The following UQCRB variants were observed in gnomAD, a reference collection of about 807,000 sequenced individuals.
UQCRB encodes cytochrome b-c1 complex subunit 7.
A neutral mutation model predicts 19.8 loss-of-function variants in UQCRB; 12 were observed. That is an observed-to-expected ratio of 0.61 (90% CI 0.39 to 0.98). The LOEUF (loss-of-function observed/expected upper bound fraction) is 0.98. Ranked by LOEUF, UQCRB falls within the 50% of genes least tolerant of loss-of-function variation. UQCRB has a pLI of 0.00. For missense variants in UQCRB, 142 were observed against 131.8 expected (o/e 1.08, Z -0.38); for synonymous variants, 39 against 42.9 (o/e 0.91, Z 0.35).
At chr8:96,233,105 A>C (rs777573111) in intron 2 of UQCRB, 51 bp downstream of exon 2, 49 of 1,568,030 alleles carry the variant, frequency 3.1e-5, no homozygotes, top group South Asian at 8.0e-5. Context: ...AAAAAAAAAA[A>C]CAAAGAAACA....
chr8:96,229,023 C>T lies in UQCRB; in HGVS notation c.*2032G>A, dbSNP rs1809594516. 4.4e-6 allele frequency: 2 copies of T among 454,044 alleles called. No individual in the cohort carries two copies. Among genetic ancestry groups the T allele is most frequent in the Non-Finnish European group, 8.8e-6 (2 of 226,776 alleles). 28.1% of individuals were successfully genotyped at this position (454,044 alleles called of 1,614,324 possible). A position where few individuals can be genotyped will look rare whatever the true frequency, so the allele number is the denominator to read the frequency against. On this transcript the variant is annotated 3_prime_UTR_variant, in exon 4 of 4. Transcript: ENST00000287022. ...TTCTCACCCATTCACCTGTGTGAGC[C>T]AAATACTAGATCTACTTTCTTAGTC...
chr8:96,225,023 AAAAGGGGT>A lies in UQCRB; in HGVS notation c.*6024_*6031del, dbSNP rs1348599035. On this transcript the variant is annotated 3_prime_UTR_variant, in exon 4 of 4. Transcript: ENST00000287022. Reference sequence around the variant, plus strand: ...AAATATCATTTCAGCAAATGTAAGTAAAAGGGGTACTATCTAAACATATAAAGGTCTCA... The same window carrying A: ...AAATATCATTTCAGCAAATGTAAGTAACTATCTAAACATATAAAGGTCTCA... Among the ~76,000 whole-genome samples, 29 of 152,344 alleles carry A rather than the reference AAAAGGGGT, an allele frequency of 1.9e-4. No individual in the cohort carries two copies. The highest frequency in any genetic ancestry group is 7.0e-4 in the African/African-American group (29 of 41,584).
chr8:96,235,182 A>T, intron 1 of UQCRB: 2 of 501,844 alleles, frequency 4.0e-6, no homozygotes, highest in South Asian at 2.1e-5. Context: ...GTTGAAAGTC[A>T]TCCACTAGTT....
Position 96,230,506 on chromosome 8 carries a change from T to A in UQCRB, c.*549A>T, listed in dbSNP as rs1440521552. 6 of 454,104 alleles carry A rather than the reference T, an allele frequency of 1.3e-5. No homozygotes were observed. The highest frequency in any genetic ancestry group is 9.3e-5 in the South Asian group (6 of 64,442). 28.1% of individuals were successfully genotyped at this position (454,104 alleles called of 1,614,324 possible). ...AAGTCACTGGGATATGGGGACAGTATGATTTGTCTTTATACTTTTATTTTT... is the reference window on the plus strand; with the variant it reads ...AAGTCACTGGGATATGGGGACAGTAAGATTTGTCTTTATACTTTTATTTTT... On this transcript the variant is annotated 3_prime_UTR_variant, in exon 4 of 4. Transcript: ENST00000287022.
rs1260997251 is a variant in UQCRB, at chr8:96,228,050, C to T, written c.*3005G>A. On this transcript the variant is annotated 3_prime_UTR_variant, in exon 4 of 4. Coordinates refer to ENST00000287022, the MANE Select transcript of UQCRB (RefSeq NM_006294.5). ...TTGGGGGTCTGAAGGCCCGACATCC[C>T]TTACGCTGCTTCCTACATCTTGACA... 2 of 454,102 alleles carry T rather than the reference C, an allele frequency of 4.4e-6. No individual in the cohort carries two copies. Among genetic ancestry groups the T allele is most frequent in the South Asian group, 3.1e-5 (2 of 64,482 alleles). 28.1% of individuals were successfully genotyped at this position (454,102 alleles called of 1,614,324 possible). A position where few individuals can be genotyped will look rare whatever the true frequency, so the allele number is the denominator to read the frequency against.
chr8:96,225,095 G>T lies in UQCRB; in HGVS notation c.*5960C>A, dbSNP rs769843693. On this transcript the variant is annotated 3_prime_UTR_variant, in exon 4 of 4. Coordinates refer to ENST00000287022, the MANE Select transcript of UQCRB (RefSeq NM_006294.5). ...GAACTGACCCAGGTTTGGGAAGGGG[G>T]AAGAGGGAGCTAAGAGGAAAACTAA... Among the ~76,000 whole-genome samples the T allele has an allele frequency of 6.6e-6, 1 of 152,194 alleles. No homozygotes were observed. Among genetic ancestry groups the T allele is most frequent in the Non-Finnish European group, 1.5e-5 (1 of 68,038 alleles).
Position 96,227,336 on chromosome 8 carries a change from T to G in UQCRB, c.*3719A>C. On this transcript the variant is annotated 3_prime_UTR_variant, in exon 4 of 4. Coordinates refer to ENST00000287022, the MANE Select transcript of UQCRB (RefSeq NM_006294.5). ...TGAAAAATGAAGGAGGGGAGGGAGT[T>G]GGTGGGGCGCAGAATGGAGAAATCT... The G allele has an allele frequency of 2.2e-6, 1 of 454,090 alleles. No homozygotes were observed. The highest frequency in any genetic ancestry group is 4.4e-6 in the Non-Finnish European group (1 of 226,772). 28.1% of individuals were successfully genotyped at this position (454,090 alleles called of 1,614,324 possible). A position where few individuals can be genotyped will look rare whatever the true frequency, so the allele number is the denominator to read the frequency against.
rs1475651550 is a variant in UQCRB at position 96,224,728 on chromosome 8, C to T, written c.*6327G>A. The stretch of plus-strand genomic sequence containing the variant: ...ATCTCTCAAAAATATACTCTGCTCA[C>T]ACCATATCCCTAAACTCCAGAGGGA... On this transcript the variant is annotated 3_prime_UTR_variant, in exon 4 of 4. Coordinates refer to ENST00000287022, the MANE Select transcript of UQCRB (RefSeq NM_006294.5). Among the ~76,000 whole-genome samples the T allele has an allele frequency of 6.6e-6, 1 of 152,220 alleles. No homozygotes were observed. The highest frequency in any genetic ancestry group is 1.5e-5 in the Non-Finnish European group (1 of 68,038).
rs1212344811 is a variant in UQCRB, at chr8:96,226,177, A to T, written c.*4878T>A. ...ACATACATCAATTTAAAAAATCCAG[A>T]AAATTATGTAATGAACAAGCATAAA... On this transcript the variant is annotated 3_prime_UTR_variant, in exon 4 of 4. Transcript: ENST00000287022. 6.6e-6 allele frequency: 1 copy of T among 152,234 alleles called. No individual in the cohort carries two copies. 9.4% of individuals were successfully genotyped at this position (152,234 alleles called of 1,614,324 possible). A position where few individuals can be genotyped will look rare whatever the true frequency, so the allele number is the denominator to read the frequency against.
At position 96,235,544 on chromosome 8, in the gene UQCRB, A is replaced by G. The variant is rs573241081; in HGVS notation, c.-14T>C. The G allele has an allele frequency of 4.3e-6, 7 of 1,614,240 alleles. No individual in the cohort carries two copies. The highest frequency in any genetic ancestry group is 2.7e-5 in the African/African-American group (2 of 75,078). On this transcript the variant is annotated 5_prime_UTR_variant, in exon 1 of 4. Coordinates refer to ENST00000287022, the MANE Select transcript of UQCRB (RefSeq NM_006294.5). ...CTTACCAGCCATTTTGACCAGAAAG[A>G]GAAGCGTTGCCTTCTGGGTAAGTCA...
At position 96,223,920 on chromosome 8, in the gene UQCRB, G is replaced by A. The variant is rs906241913; in HGVS notation, c.*7135C>T. 3.9e-5 allele frequency among the ~76,000 whole-genome samples: 6 copies of A among 152,184 alleles called. No individual in the cohort carries two copies. The highest frequency in any genetic ancestry group is 5.9e-5 in the Non-Finnish European group (4 of 68,034). On this transcript the variant is annotated 3_prime_UTR_variant, in exon 4 of 4. Coordinates refer to ENST00000287022, the MANE Select transcript of UQCRB (RefSeq NM_006294.5). ...GGGTAGAGGCAGACAGGTGGGGGTG[G>A]TAGAAGCCAGGCTTTGGAAGGCCAC...
intron 3 of UQCRB, 37 bp from the exon 4 acceptor site, chr8:96,231,169 G>A (rs761912021): frequency 2.7e-5 from 43 of 1,613,896 alleles, no homozygotes; most frequent in East Asian, 1.1e-4. Flanking sequence ...TTACCATCAC[G>A]TACTGATATA....
Position 96,224,578 on chromosome 8 carries a change from G to A in UQCRB, c.*6477C>T, listed in dbSNP as rs1279369724. Among the ~76,000 whole-genome samples the A allele has an allele frequency of 1.3e-5, 2 of 152,204 alleles. No homozygotes were observed. The highest frequency in any genetic ancestry group is 4.8e-5 in the African/African-American group (2 of 41,452). ...AAGCCACAGAAGGGGCTGATTACCA[G>A]GCTGCATCACCCTCAACAGACCCGT... On this transcript the variant is annotated 3_prime_UTR_variant, in exon 4 of 4. Transcript: ENST00000287022.
chr8:96,228,120 C>T lies in UQCRB; in HGVS notation c.*2935G>A, dbSNP rs1374713260. 2.2e-6 allele frequency: 1 copy of T among 454,090 alleles called. No homozygotes were observed. Among genetic ancestry groups the T allele is most frequent in the African/African-American group, 2.0e-5 (1 of 50,124 alleles). 28.1% of individuals were successfully genotyped at this position (454,090 alleles called of 1,614,324 possible). A position where few individuals can be genotyped will look rare whatever the true frequency, so the allele number is the denominator to read the frequency against. ...CTAGGTAGTGCACTACAACAGTGAA[C>T]ATAAGCCAGCCATCTGTTTTTTTGC... On this transcript the variant is annotated 3_prime_UTR_variant, in exon 4 of 4. Coordinates refer to ENST00000287022, the MANE Select transcript of UQCRB (RefSeq NM_006294.5).
chr8:96,224,752 G>A lies in UQCRB; in HGVS notation c.*6303C>T, dbSNP rs1809499312. On this transcript the variant is annotated 3_prime_UTR_variant, in exon 4 of 4. Transcript: ENST00000287022. Reference sequence around the variant, plus strand: ...ACACCATATCCCTAAACTCCAGAGGGATTGAAGATTTATGGTTTTGTTTCT... The same window carrying A: ...ACACCATATCCCTAAACTCCAGAGGAATTGAAGATTTATGGTTTTGTTTCT... 6.6e-6 allele frequency among the ~76,000 whole-genome samples: 1 copy of A among 152,176 alleles called. No individual in the cohort carries two copies. The highest frequency in any genetic ancestry group is 1.5e-5 in the Non-Finnish European group (1 of 68,042).
At chr8:96,235,476 C>T in intron 1 of UQCRB, 36 bp downstream of exon 1, 4 of 1,614,188 alleles carry the variant, frequency 2.5e-6, no homozygotes, top group Non-Finnish European at 1.7e-6. Context: ...CGGTGAAGCG[C>T]GACGATGCCG....
Position 96,227,519 on chromosome 8 carries a change from C to T in UQCRB, c.*3536G>A. On this transcript the variant is annotated 3_prime_UTR_variant, in exon 4 of 4. Transcript: ENST00000287022. ...TCTAACCATCCCTCTCTGATACTGT[C>T]CCTCCTAAAATCCATGCTTCCTCCC... 2.2e-6 allele frequency: 1 copy of T among 454,142 alleles called. No individual in the cohort carries two copies. Among genetic ancestry groups the T allele is most frequent in the Non-Finnish European group, 4.4e-6 (1 of 226,790 alleles). The allele number at this position is 454,142 out of a possible 1,614,324, so 28.1% of individuals were successfully genotyped here. A position where few individuals can be genotyped will look rare whatever the true frequency, so the allele number is the denominator to read the frequency against.
At position 96,232,418 on chromosome 8, in the gene UQCRB, A is replaced by G. The variant is rs539157702; in HGVS notation, c.92-478T>C. The G allele has an allele frequency of 1.9e-5, 3 of 156,974 alleles. No homozygotes were observed. In the South Asian group the frequency reaches 5.5e-4, roughly 29 times the overall value. 9.7% of individuals were successfully genotyped at this position (156,974 alleles called of 1,614,324 possible). On this transcript the variant is annotated intron_variant, in intron 2 of 3. Transcript: ENST00000287022. The stretch of plus-strand genomic sequence containing the variant: ...ACTTTCTTCAAGCTTCAATAGTAAA[A>G]GATGAAGTTCATGGTAAATTACAAA...
chr8:96,233,000 T>C, intron 2 of UQCRB, 156 bp downstream of exon 2: 1 of 672,628 alleles, frequency 1.5e-6, no homozygotes, highest in East Asian at 2.7e-5. Context: ...TTTAACATAA[T>C]GTGATTTAAT....
Sources: allele counts gnomAD v4.1 joint callset (sites outside exome capture counted in the v4.1 genomes callset), GRCh38; gene constraint gnomAD v4.1.1; transcripts MANE v1.5; gene names NCBI Gene and HGNC (gene_info 2026-07-23, HGNC 2026-07-21).